The following APPL2 variants were observed in gnomAD, a reference collection of about 807,000 sequenced individuals.
APPL2 encodes adaptor protein, phosphotyrosine interacting with PH domain and leucine zipper 2.
APPL2 carries 84 observed loss-of-function variants against 92.7 expected under a neutral mutation model. That is an observed-to-expected ratio of 0.91 (90% CI 0.76 to 1.09). The LOEUF is 1.09. Ranked by LOEUF, APPL2 falls within the 50% of genes least tolerant of loss-of-function variation. The pLI, the probability that APPL2 is intolerant of heterozygous loss-of-function variation, is 0.00. For missense variants in APPL2, 736 were observed against 824.5 expected (o/e 0.89, Z 1.31); for synonymous variants, 291 against 291.0 (o/e 1.00, Z 0.00).
At chr12:105,200,831 C>A (rs966575588) in intron 9 of APPL2, among the ~76,000 whole-genome samples, 1 of 144,396 alleles carries the variant, frequency 6.9e-6, no homozygotes, top group Non-Finnish European at 1.5e-5. Context: ...CCACTCTCTA[C>A]GTATGTATGT....
At chr12:105,223,600 C>A (rs762388213) in intron 2 of APPL2, among the ~76,000 whole-genome samples, 6 of 152,168 alleles carry the variant, frequency 3.9e-5, no homozygotes, top group African/African-American at 1.4e-4. Flanking sequence ...GCCTCCCATG[C>A]AAAGTGGAGG....
intron 17 of APPL2, among the ~76,000 whole-genome samples, chr12:105,184,965 G>C (rs113442770): frequency 2.1e-3 from 326 of 152,310 alleles, no homozygotes; most frequent in African/African-American, 7.6e-3. Flanking sequence ...CAGAGAGGAG[G>C]AATCTAGAGA....
At chr12:105,201,124 G>C (rs1888168056) in intron 9 of APPL2, among the ~76,000 whole-genome samples, 1 of 152,120 alleles carries the variant, frequency 6.6e-6, no homozygotes, top group Non-Finnish European at 1.5e-5. Context: ...GGCCAGGCTG[G>C]TCTTGAACTC....
intron 17 of APPL2, among the ~76,000 whole-genome samples, chr12:105,186,710 TC>T (rs371844057): frequency 1.1e-4 from 4 of 36,560 alleles, no homozygotes; most frequent in African/African-American, 4.3e-4. Flanking sequence ...ATATCATATA[TC>T]ATATCATATA....
rs375126848 is a variant in APPL2 at position 105,203,806 on chromosome 12, A to C, written c.622-21T>G. ...TTAATCTGAAAGATATAATTATAAT[A>C]TTCTGAAAATCATCCAGGGAAGTGA... is the stretch of plus-strand genomic sequence containing the variant. On this transcript the variant is annotated intron_variant, in intron 8 of 20. Transcript: ENST00000258530. 3.4e-5 allele frequency: 55 copies of C among 1,594,464 alleles called. No homozygotes were observed. The African/African-American group carries it at 6.4e-4, about 19-fold the overall frequency.
rs759172553 is a variant in APPL2, at chr12:105,177,046, A to G, written c.1672-30T>C. ...GGGGTGGAAAAAAAGGCAACAGATC[A>G]TACAACTACTAGAATTAAAAACTGA... On this transcript the variant is annotated intron_variant, in intron 18 of 20. Coordinates refer to ENST00000258530, the MANE Select transcript of APPL2 (RefSeq NM_018171.5). 5 of 1,613,224 alleles carry G rather than the reference A, an allele frequency of 3.1e-6. No homozygotes were observed. In the South Asian group the frequency reaches 5.5e-5, roughly 18 times the overall value.
chr12:105,176,202 G>T, intron 19 of APPL2, 120 bp from the exon 20 acceptor site: 1 of 859,684 alleles, frequency 1.2e-6, no homozygotes, highest in Non-Finnish European at 1.8e-6. Flanking sequence ...GGGAACACAG[G>T]ACCTGGCTGC....
At chr12:105,179,496 C>T (rs1296004126) in intron 17 of APPL2, among the ~76,000 whole-genome samples, 1 of 152,122 alleles carries the variant, frequency 6.6e-6, no homozygotes, top group Non-Finnish European at 1.5e-5. Flanking sequence ...TGGGTATGTA[C>T]CCAGTAATGG....
At chr12:105,204,462 C>A (rs1888528413) in intron 8 of APPL2, among the ~76,000 whole-genome samples, 2 of 152,078 alleles carry the variant, frequency 1.3e-5, no homozygotes, top group Admixed American at 6.5e-5. Context: ...CCTGGGAAAG[C>A]ATGTATTCTA....
intron 17 of APPL2, among the ~76,000 whole-genome samples, chr12:105,180,627 CCT>C (rs1476468171): frequency 6.6e-6 from 1 of 152,096 alleles, no homozygotes; most frequent in Non-Finnish European, 1.5e-5. Flanking sequence ...TTGTTTGTGT[CCT>C]CTCTTATTTC....
At chr12:105,231,209 A>C (rs1303625978) in intron 1 of APPL2, among the ~76,000 whole-genome samples, 1 of 152,210 alleles carries the variant, frequency 6.6e-6, no homozygotes, top group African/African-American at 2.4e-5. Context: ...TAGTTTTTTC[A>C]AAAATACTAC....
chr12:105,183,070 C>CTTT (rs56345779), intron 17 of APPL2, among the ~76,000 whole-genome samples: 48 of 88,380 alleles, frequency 5.4e-4, no homozygotes, highest in Non-Finnish European at 6.7e-4. Context: ...GCAACCCCTG[C>CTTT]TTTTTTTTTT....
intron 17 of APPL2, among the ~76,000 whole-genome samples, chr12:105,186,720 T>TC (rs1566056871): frequency 4.2e-5 from 6 of 142,222 alleles, no homozygotes; most frequent in South Asian, 4.4e-4. Flanking sequence ...TCATATCATA[T>TC]ATATATCATA....
intron 2 of APPL2, among the ~76,000 whole-genome samples, chr12:105,218,987 G>C (rs1303604818): frequency 5.9e-5 from 9 of 152,196 alleles, no homozygotes; most frequent in Admixed American, 6.5e-5. Flanking sequence ...GATGTGGGCA[G>C]CCTAGAAAAC....
chr12:105,193,073 C>T (rs1887356638), intron 14 of APPL2, among the ~76,000 whole-genome samples: 1 of 152,206 alleles, frequency 6.6e-6, no homozygotes, highest in South Asian at 2.1e-4. Context: ...ACATCTGTCA[C>T]CCATCCAATC....
intron 11 of APPL2, among the ~76,000 whole-genome samples, chr12:105,195,970 G>A (rs112909293): frequency 0.015 from 2,221 of 151,412 alleles, 56 homozygotes; most frequent in African/African-American, 0.051. Context: ...TGGGAGGATC[G>A]ATCGAGCCCA....
At chr12:105,235,038 C>A (rs968716043) in intron 1 of APPL2, among the ~76,000 whole-genome samples, 1 of 152,094 alleles carries the variant, frequency 6.6e-6, no homozygotes, top group African/African-American at 2.4e-5. Context: ...AGGGAAGGAA[C>A]CCCAAAAGAG....
intron 17 of APPL2, among the ~76,000 whole-genome samples, chr12:105,184,586 T>C (rs1886417616): frequency 6.6e-6 from 1 of 152,212 alleles, no homozygotes; most frequent in Non-Finnish European, 1.5e-5. Context: ...CAGTGGAGGC[T>C]GCAGAATAGC....
At chr12:105,234,841 C>G (rs1437347239) in intron 1 of APPL2, among the ~76,000 whole-genome samples, 3 of 152,052 alleles carry the variant, frequency 2.0e-5, no homozygotes, top group East Asian at 3.9e-4. Flanking sequence ...TACCAAAAAA[C>G]AAAACAAACA....
Sources: gnomAD v4.1 joint callset for allele counts (sites outside exome capture counted in the v4.1 genomes callset) on GRCh38, gnomAD v4.1.1 for gene constraint, MANE v1.5 for transcripts, NCBI Gene and HGNC (gene_info 2026-07-23, HGNC 2026-07-21) for gene names.